Variants in RANBP17 observed in about 807,000 individuals in gnomAD.
RANBP17 encodes the protein RAN binding protein 17, also known as ran-binding protein 17.
A neutral mutation model predicts 141.2 loss-of-function variants in RANBP17; 158 were observed. The observed-to-expected ratio is 1.12, with a 90% confidence interval of 0.98 to 1.28. The LOEUF (loss-of-function observed/expected upper bound fraction) is 1.28, where lower values mean the gene tolerates loss of function less well. Among genes scored for constraint, RANBP17 ranks in the 50% most tolerant of loss-of-function variants. RANBP17 has a pLI of 0.00. For missense variants in RANBP17, 1,438 were observed against 1,290.7 expected, an observed-to-expected ratio of 1.11 and a Z score of -1.75; for synonymous variants, 430 against 450.0, an observed-to-expected ratio of 0.96 and a Z score of 0.56.
rs369563479 is a variant in RANBP17, at chr5:171,029,143, A to G, written c.1710+60766A>G. On this transcript the variant is annotated intron_variant, in intron 14 of 27. Coordinates refer to ENST00000523189, the MANE Select transcript of RANBP17 (RefSeq NM_022897.5). ...TACAATTTATCTATTCATTTATTCT[A>G]GGATGCACCTAAACTATTGATGATT... 9.3e-4 allele frequency: 214 copies of G among 230,434 alleles called. 1 individual carries two copies. Among genetic ancestry groups the G allele is most frequent in the African/African-American group, 4.6e-3 (207 of 44,518 alleles). 14.3% of individuals were successfully genotyped at this position (230,434 alleles called of 1,614,324 possible).
intron 25 of RANBP17, among the ~76,000 whole-genome samples, chr5:171,284,192 T>C (rs1768020089): frequency 6.6e-6 from 1 of 152,224 alleles, no homozygotes; most frequent in Non-Finnish European, 1.5e-5. Context: ...GTTCCATTCA[T>C]TGCCATAGCC....
chr5:171,061,168 C>G (rs1393486982), intron 14 of RANBP17, among the ~76,000 whole-genome samples: 1 of 151,880 alleles, frequency 6.6e-6, no homozygotes, highest in African/African-American at 2.4e-5. Context: ...TCCTTCAGTT[C>G]TGCTCTGATT....
chr5:170,909,661 G>A lies in RANBP17; in HGVS notation c.490G>A (p.Val164Ile), dbSNP rs1375088770. The A allele has an allele frequency of 7.0e-7, 1 of 1,437,728 alleles. No individual in the cohort carries two copies. Among genetic ancestry groups the A allele is most frequent in the Admixed American group, 1.9e-5 (1 of 52,606 alleles). The allele number at this position is 1,437,728 out of a possible 1,614,324, so 89.1% of individuals were successfully genotyped here. Residue 164 changes from valine to isoleucine, a missense_variant and splice_region_variant, in exon 6 of 28, where the codon GTT becomes ATT. Val to Ile is a conservative substitution (Grantham distance 29). Transcript: ENST00000523189. ...ACTAATTTCATCTTTATCTTTTTAG[G>A]TTGATTATTCTAGACCTTCAGCAAA... ...LSELTQEMNL[V>I]DYSRPSAKHR...
At chr5:170,934,531 C>T (rs1325212996) in intron 12 of RANBP17, among the ~76,000 whole-genome samples, 1 of 152,136 alleles carries the variant, frequency 6.6e-6, no homozygotes, top group African/African-American at 2.4e-5. Context: ...TTTTGTTTGT[C>T]TGTAAAGGAT....
At chr5:170,978,016 A>G (rs1467159419) in intron 14 of RANBP17, among the ~76,000 whole-genome samples, 1 of 152,162 alleles carries the variant, frequency 6.6e-6, no homozygotes, top group African/African-American at 2.4e-5. Flanking sequence ...ACCAAAAAAC[A>G]GACCAAAAAA....
intron 11 of RANBP17, among the ~76,000 whole-genome samples, chr5:170,923,671 A>G (rs1450106716): frequency 2.6e-5 from 4 of 152,120 alleles, no homozygotes; most frequent in Admixed American, 2.0e-4. Context: ...ATTTTTCTTT[A>G]ATCAAACATT....
intron 13 of RANBP17, among the ~76,000 whole-genome samples, chr5:170,966,694 G>A (rs1166567480): frequency 6.6e-6 from 1 of 152,026 alleles, no homozygotes. Flanking sequence ...TTCTGGCCAG[G>A]GCAATTAGGC....
chr5:171,250,905 G>A (rs1275845689), intron 24 of RANBP17, among the ~76,000 whole-genome samples: 1 of 152,158 alleles, frequency 6.6e-6, no homozygotes, highest in Non-Finnish European at 1.5e-5. Flanking sequence ...ACATGCCACT[G>A]TCAGCATTAA....
At chr5:171,284,291 C>T (rs1271856731) in intron 25 of RANBP17, among the ~76,000 whole-genome samples, 1 of 151,930 alleles carries the variant, frequency 6.6e-6, no homozygotes, top group Non-Finnish European at 1.5e-5. Flanking sequence ...GACTTTGAGG[C>T]CATGTTCTTT....
chr5:171,288,338 C>A (rs1032117680), intron 25 of RANBP17, among the ~76,000 whole-genome samples: 1 of 152,178 alleles, frequency 6.6e-6, no homozygotes, highest in East Asian at 1.9e-4. Context: ...TACACATGGA[C>A]CACATACCTA....
At chr5:171,189,735 A>G (rs776605078) in intron 18 of RANBP17, among the ~76,000 whole-genome samples, 1 of 152,210 alleles carries the variant, frequency 6.6e-6, no homozygotes, top group Non-Finnish European at 1.5e-5. Context: ...ATTACTTTAT[A>G]GACGATGATT....
At chr5:171,229,673 G>A (rs1764088896) in intron 22 of RANBP17, among the ~76,000 whole-genome samples, 1 of 150,932 alleles carries the variant, frequency 6.6e-6, no homozygotes, top group Non-Finnish European at 1.5e-5. Context: ...AGGATTACAG[G>A]CGTGAGCCAC....
At chr5:171,212,107 G>A (rs544197948) in intron 20 of RANBP17, among the ~76,000 whole-genome samples, 39 of 152,296 alleles carry the variant, frequency 2.6e-4, no homozygotes, top group African/African-American at 8.4e-4. Flanking sequence ...TAACCCATTA[G>A]GGAGAGGTAG....
intron 14 of RANBP17, among the ~76,000 whole-genome samples, chr5:171,053,413 A>T (rs572831820): frequency 1.3e-5 from 2 of 152,048 alleles, no homozygotes; most frequent in East Asian, 3.9e-4. Flanking sequence ...CCCATGTAGA[A>T]TTTTCATTGT....
chr5:170,990,280 G>A (rs1302404840), intron 14 of RANBP17, among the ~76,000 whole-genome samples: 1 of 151,876 alleles, frequency 6.6e-6, no homozygotes, highest in Non-Finnish European at 1.5e-5. Flanking sequence ...AGCGAAAGTT[G>A]TGGCTTACTA....
chr5:171,241,261 A>G, intron 23 of RANBP17, 119 bp downstream of exon 23: 1 of 710,450 alleles, frequency 1.4e-6, no homozygotes, highest in Non-Finnish European at 2.3e-6. Context: ...GTTTTAAGAC[A>G]GCATACTTGA....
chr5:171,226,138 T>G (rs1472719451), intron 22 of RANBP17, among the ~76,000 whole-genome samples: 2 of 152,252 alleles, frequency 1.3e-5, no homozygotes, highest in African/African-American at 2.4e-5. Context: ...AAGAAATTTC[T>G]TTCTTAAATT....
At position 170,881,896 on chromosome 5, in the gene RANBP17, A is replaced by T; in HGVS notation, c.256A>T (p.Arg86Ter). Residue 86 changes from arginine (R) to a stop codon, truncating the protein, a stop_gained and splice_region_variant, in exon 3 of 28, where the codon AGA (arginine) becomes TGA (stop). Transcript: ENST00000523189. LOFTEE classifies it high-confidence loss of function. ...PLPVEQRMDI[R>*]NYILNYVASQ... ...ACCTGTTGAGCAGAGGATGGACATC[A>T]GTAAGTGGCTTATTATGCTTTTTAA... is the stretch of plus-strand genomic sequence containing the variant. 2 of 1,586,696 alleles carry T rather than the reference A, an allele frequency of 1.3e-6. No individual in the cohort carries two copies. Among genetic ancestry groups the T allele is most frequent in the Non-Finnish European group, 1.7e-6 (2 of 1,167,180 alleles).
chr5:171,166,499 G>C (rs1446810923), intron 14 of RANBP17, among the ~76,000 whole-genome samples: 1 of 151,446 alleles, frequency 6.6e-6, no homozygotes, highest in Non-Finnish European at 1.5e-5. Flanking sequence ...CTGCAATATG[G>C]TTTCTTCTTG....
Sources: gnomAD v4.1 joint callset for allele counts (sites outside exome capture counted in the v4.1 genomes callset) on GRCh38, gnomAD v4.1.1 for gene constraint, MANE v1.5 for transcripts, NCBI Gene and HGNC (gene_info 2026-07-23, HGNC 2026-07-21) for gene names.